Variants in TRIM36 observed in about 807,000 individuals in gnomAD.
TRIM36 encodes tripartite motif containing 36.
Under a neutral mutation model 72.4 loss-of-function variants are expected in TRIM36, and 42 were observed. The observed-to-expected ratio is 0.58, with a 90% CI of 0.45 to 0.75. The LOEUF (loss-of-function observed/expected upper bound fraction) is 0.75, where lower values mean the gene tolerates loss of function less well. TRIM36 is among the 30% of genes least tolerant of loss of function. The pLI is 0.00. For synonymous variants in TRIM36, 315 were observed against 282.8 expected (o/e 1.11, Z -1.14); for missense variants, 913 against 857.1 (o/e 1.07, Z -0.81).
intron 5 of TRIM36, among the ~76,000 whole-genome samples, chr5:115,139,548 C>T (rs1753160972): frequency 6.6e-6 from 1 of 152,198 alleles, no homozygotes; most frequent in African/African-American, 2.4e-5. Flanking sequence ...CCGACAGCCA[C>T]ATATTTTTAA....
chr5:115,137,648 G>C (rs1753034074), intron 5 of TRIM36, 32 bp from the exon 6 acceptor site: 2 of 1,528,138 alleles, frequency 1.3e-6, no homozygotes, highest in Non-Finnish European at 1.7e-6. Context: ...ATTACACTAA[G>C]ATAAAACAAA....
intron 2 of TRIM36, among the ~76,000 whole-genome samples, chr5:115,154,051 T>A (rs1460391901): frequency 6.6e-6 from 1 of 151,310 alleles, no homozygotes; most frequent in South Asian, 2.1e-4. Flanking sequence ...TGCAAATACA[T>A]GGAAATTAAA....
chr5:115,173,885 C>G (rs553886400), upstream of TRIM36, among the ~76,000 whole-genome samples: 35 of 152,226 alleles, frequency 2.3e-4, no homozygotes, highest in Admixed American at 1.0e-3. Context: ...AATACTCTTG[C>G]CTTCATTGTG....
chr5:115,154,633 T>G (rs1754076282), intron 2 of TRIM36, among the ~76,000 whole-genome samples: 1 of 152,032 alleles, frequency 6.6e-6, no homozygotes, highest in South Asian at 2.1e-4. Flanking sequence ...TAGCTTAAAT[T>G]AGGAAGAATT....
intron 1 of TRIM36, chr5:115,177,724 C>A: frequency 6.2e-7 from 1 of 1,614,042 alleles, no homozygotes; most frequent in Non-Finnish European, 8.5e-7. Flanking sequence ...CCCTCCAACC[C>A]CCACAAAACA....
At chr5:115,136,818 G>T (rs1280445759) in intron 7 of TRIM36, among the ~76,000 whole-genome samples, 182 bp downstream of exon 7, 1 of 152,130 alleles carries the variant, frequency 6.6e-6, no homozygotes. Flanking sequence ...ATGGAACATA[G>T]TTTTTGTGCA....
At chr5:115,137,733 A>C in intron 5 of TRIM36, 117 bp from the exon 6 acceptor site, 2 of 1,179,432 alleles carry the variant, frequency 1.7e-6, no homozygotes, top group Non-Finnish European at 2.3e-6. Context: ...ATGTGATGAC[A>C]GCATTATCAA....
At chr5:115,154,332 A>C (rs983858260) in intron 2 of TRIM36, among the ~76,000 whole-genome samples, 3 of 152,094 alleles carry the variant, frequency 2.0e-5, no homozygotes, top group African/African-American at 4.8e-5. Flanking sequence ...GAAATAAGCA[A>C]GATCAGAGCA....
chr5:115,126,399 G>T lies in TRIM36; in HGVS notation c.*104C>A. 2 of 853,176 alleles carry T rather than the reference G, an allele frequency of 2.3e-6. No homozygotes were observed. The highest frequency in any genetic ancestry group is 3.5e-6 in the Non-Finnish European group (2 of 568,924). The allele number at this position is 853,176 out of a possible 1,614,324, so 52.9% of individuals were successfully genotyped here. A position where few individuals can be genotyped will look rare whatever the true frequency, so the allele number is the denominator to read the frequency against. On this transcript the variant is annotated 3_prime_UTR_variant, in exon 10 of 10. Coordinates refer to ENST00000513154, the MANE Select transcript of TRIM36 (RefSeq NM_001300759.2). Reference sequence around the variant, plus strand: ...CAAGAAGAATCATACTCAAACACAAGTGGGGTGACAGAACACTCAGCGATA... The same window carrying T: ...CAAGAAGAATCATACTCAAACACAATTGGGGTGACAGAACACTCAGCGATA...
At chr5:115,169,571 C>T (rs1754982888) in intron 1 of TRIM36, 37 bp downstream of exon 1, 2 of 1,501,492 alleles carry the variant, frequency 1.3e-6, no homozygotes, top group Non-Finnish European at 1.8e-6. Context: ...CGGCACACCG[C>T]CCTCGAGGTG....
At chr5:115,144,800 A>C (rs1325560818) in intron 3 of TRIM36, 56 bp from the exon 4 acceptor site, 1 of 1,516,390 alleles carries the variant, frequency 6.6e-7, no homozygotes, top group East Asian at 2.4e-5. Flanking sequence ...GTAATCTAAC[A>C]AATTACCAAA....
At chr5:115,169,910 G>A, upstream of TRIM36, 12 of 1,288,142 alleles carry the variant, frequency 9.3e-6, no homozygotes, top group Admixed American at 8.0e-5. Flanking sequence ...GCGGACTGCG[G>A]CTGGGAACGG....
At chr5:115,144,556 A>G (rs769105102) in intron 4 of TRIM36, 42 bp downstream of exon 4, 1 of 1,610,198 alleles carries the variant, frequency 6.2e-7, no homozygotes, top group Non-Finnish European at 8.5e-7. Context: ...CATAAAGTAA[A>G]GTTACGAAGA....
At position 115,134,142 on chromosome 5, in the gene TRIM36, C is replaced by T; in HGVS notation, c.1216G>A (p.Asp406Asn). The T allele has an allele frequency of 6.4e-7, 1 of 1,560,486 alleles. No individual in the cohort carries two copies. Among genetic ancestry groups the T allele is most frequent in the Non-Finnish European group, 8.6e-7 (1 of 1,156,426 alleles). Residue 406 changes from aspartate (D) to asparagine (N), a missense_variant, in exon 8 of 10, where the codon GAC becomes AAC. Physicochemically the swap from Asp to Asn is conservative, Grantham distance 23. Transcript: ENST00000513154. ...TGTTCCTCATTGATCTCTGGCACGT[C>T]TATGCCTGAAAGAATTATGAAATAG... ...GELSFFSSGI[D>N]VPEINEEQSK...
At chr5:115,179,843 C>G (rs1755533854) in intron 1 of TRIM36, 1 of 816,288 alleles carries the variant, frequency 1.2e-6, no homozygotes, top group South Asian at 1.7e-5. Context: ...GCCCGGGCTG[C>G]GAGCGCGGCT....
intron 2 of TRIM36, among the ~76,000 whole-genome samples, chr5:115,155,641 A>C (rs145489210): frequency 0.032 from 4,878 of 152,326 alleles, 94 homozygotes; most frequent in Middle Eastern, 0.065. Context: ...CTCTCAGCAA[A>C]ATCAGCATAC....
chr5:115,171,253 G>A (rs372478435), upstream of TRIM36: 2 of 1,613,152 alleles, frequency 1.2e-6, no homozygotes, highest in African/African-American at 2.7e-5. Flanking sequence ...TAAAAACACT[G>A]AGGGACTATA....
chr5:115,165,142 CT>C (rs1451475532), intron 1 of TRIM36, among the ~76,000 whole-genome samples: 3 of 152,210 alleles, frequency 2.0e-5, no homozygotes, highest in African/African-American at 7.2e-5. Context: ...ACACCACCTG[CT>C]TTCATGGCTG....
At chr5:115,132,583 C>T (rs904153671) in intron 8 of TRIM36, among the ~76,000 whole-genome samples, 1 of 149,450 alleles carries the variant, frequency 6.7e-6, no homozygotes, top group Non-Finnish European at 1.5e-5. Context: ...TGCTAGCAAA[C>T]TACAGCCATT....
Sources: allele counts gnomAD v4.1 joint callset (sites outside exome capture counted in the v4.1 genomes callset), GRCh38; gene constraint gnomAD v4.1.1; transcripts MANE v1.5; gene names NCBI Gene and HGNC (gene_info 2026-07-23, HGNC 2026-07-21).